PRR16: variants seen among roughly 807,000 people sequenced by gnomAD.
PRR16 encodes the protein proline rich 16, also known as protein Largen.
In PRR16, 6 loss-of-function variants were observed where a neutral mutation model predicts 18.2. The ratio of observed to expected loss-of-function variants is 0.33; its 90% CI spans 0.18 to 0.65. The LOEUF (loss-of-function observed/expected upper bound fraction) is 0.65. PRR16 is among the 30% of genes least tolerant of loss of function. The pLI, the probability that PRR16 is intolerant of heterozygous loss-of-function variation, is 0.74. For missense variants in PRR16, 412 were observed against 376.6 expected, an observed-to-expected ratio of 1.09 and a Z score of -0.78; for synonymous variants, 151 against 147.8, an observed-to-expected ratio of 1.02 and a Z score of -0.16.
chr5:120,501,248 C>G (rs1360505211), intron 1 of PRR16, among the ~76,000 whole-genome samples: 1 of 152,074 alleles, frequency 6.6e-6, no homozygotes, highest in Admixed American at 6.6e-5. Flanking sequence ...TTTAATAACA[C>G]AAATTAATTG....
intron 1 of PRR16, among the ~76,000 whole-genome samples, chr5:120,525,193 A>T (rs1384034421): frequency 6.6e-6 from 1 of 152,088 alleles, no homozygotes; most frequent in Non-Finnish European, 1.5e-5. Context: ...TGATATGTAA[A>T]TATGAGAGGG....
At chr5:120,511,907 G>A (rs1226988072) in intron 1 of PRR16, among the ~76,000 whole-genome samples, 1 of 152,142 alleles carries the variant, frequency 6.6e-6, no homozygotes, top group African/African-American at 2.4e-5. Context: ...CTCCTTCTAG[G>A]GGTCTTCTAG....
chr5:120,492,386 G>T (rs1225576579), intron 1 of PRR16, among the ~76,000 whole-genome samples: 1 of 151,674 alleles, frequency 6.6e-6, no homozygotes, highest in African/African-American at 2.4e-5. Flanking sequence ...CTTCCAAAAT[G>T]CTGGTATTAC....
intron 1 of PRR16, among the ~76,000 whole-genome samples, chr5:120,586,224 T>G (rs1329275554): frequency 6.6e-6 from 1 of 152,018 alleles, no homozygotes; most frequent in Non-Finnish European, 1.5e-5. Flanking sequence ...TCTTAATTGT[T>G]AAATGGAATA....
At chr5:120,565,251 C>G (rs979304298) in intron 1 of PRR16, among the ~76,000 whole-genome samples, 18 of 152,152 alleles carry the variant, frequency 1.2e-4, no homozygotes, top group Admixed American at 4.6e-4. Flanking sequence ...GATACTTGTG[C>G]TAAAATCCTA....
chr5:120,700,144 G>T, the PRR16 span, among the ~76,000 whole-genome samples: 2 of 152,120 alleles, frequency 1.3e-5, no homozygotes, highest in African/African-American at 2.4e-5. Flanking sequence ...TTGGCACCAC[G>T]GGGTGGATAG....
At chr5:120,791,365 G>T in the PRR16 span, among the ~76,000 whole-genome samples, 1 of 151,736 alleles carries the variant, frequency 6.6e-6, no homozygotes, top group South Asian at 2.1e-4. Context: ...TTCTTGTGAA[G>T]GGCTATTTTA....
At chr5:120,640,234 G>A (rs998713481) in intron 1 of PRR16, among the ~76,000 whole-genome samples, 5 of 151,874 alleles carry the variant, frequency 3.3e-5, no homozygotes, top group Admixed American at 2.6e-4. Context: ...TTCATACCTC[G>A]TACCTCAGCA....
At chr5:120,620,247 G>A (rs1256263838) in intron 1 of PRR16, among the ~76,000 whole-genome samples, 1 of 152,112 alleles carries the variant, frequency 6.6e-6, no homozygotes, top group Non-Finnish European at 1.5e-5. Flanking sequence ...CACGAAGAGT[G>A]ACCTTGAATA....
At chr5:120,538,813 C>T (rs1230941495) in intron 1 of PRR16, among the ~76,000 whole-genome samples, 2 of 152,142 alleles carry the variant, frequency 1.3e-5, no homozygotes, top group African/African-American at 2.4e-5. Context: ...CTCTCTTTCC[C>T]AGTAGTTATA....
At chr5:120,654,350 G>A (rs1755894306) in intron 1 of PRR16, among the ~76,000 whole-genome samples, 1 of 151,928 alleles carries the variant, frequency 6.6e-6, no homozygotes, top group Non-Finnish European at 1.5e-5. Flanking sequence ...CTACCCCCAT[G>A]TAACCTTTGC....
chr5:120,480,398 G>A (rs976749997), intron 1 of PRR16, among the ~76,000 whole-genome samples: 3 of 152,114 alleles, frequency 2.0e-5, no homozygotes, highest in Non-Finnish European at 2.9e-5. Flanking sequence ...TGAGTACTGC[G>A]TTAGCCAATA....
chr5:120,607,829 G>A (rs1043870194), intron 1 of PRR16, among the ~76,000 whole-genome samples: 1 of 152,044 alleles, frequency 6.6e-6, no homozygotes, highest in African/African-American at 2.4e-5. Context: ...AAAACAAGAT[G>A]AATCTTATAT....
chr5:120,628,557 G>A (rs1270063864), intron 1 of PRR16, among the ~76,000 whole-genome samples: 2 of 151,992 alleles, frequency 1.3e-5, no homozygotes, highest in Non-Finnish European at 2.9e-5. Context: ...AAAAATTGTA[G>A]GTAAGAGAGA....
the PRR16 span, among the ~76,000 whole-genome samples, chr5:120,756,562 T>C: frequency 6.6e-6 from 1 of 152,140 alleles, no homozygotes; most frequent in African/African-American, 2.4e-5. Context: ...TGGAGCATTT[T>C]TTTTCATGTT....
At position 120,583,345 on chromosome 5, in the gene PRR16, G is replaced by GTA. The variant is rs1554085288; in HGVS notation, c.160-102608_160-102607insAT. Among the ~76,000 whole-genome samples the GTA allele has an allele frequency of 1.2e-3, 182 of 151,270 alleles. 5 individuals are homozygous for GTA. Among genetic ancestry groups the GTA allele is most frequent in the Middle Eastern group, 3.4e-3 (1 of 290 alleles). On this transcript the variant is annotated intron_variant, in intron 1 of 1. Coordinates refer to ENST00000407149, the MANE Select transcript of PRR16 (RefSeq NM_001300783.2). Reference sequence around the variant, plus strand: ...TGTGTGTGTGTGTGTGTGTGTGTGTGTGTGCAAGTAATCCATGTCACCATG... The same window carrying GTA: ...TGTGTGTGTGTGTGTGTGTGTGTGTGTATGTGCAAGTAATCCATGTCACCATG...
the PRR16 span, among the ~76,000 whole-genome samples, chr5:120,706,247 A>T: frequency 6.6e-6 from 1 of 152,200 alleles, no homozygotes; most frequent in Non-Finnish European, 1.5e-5. Flanking sequence ...TACCTTTGAT[A>T]GTTGCTAAGC....
chr5:120,510,728 A>G (rs1750800059), intron 1 of PRR16, among the ~76,000 whole-genome samples: 1 of 152,182 alleles, frequency 6.6e-6, no homozygotes, highest in East Asian at 1.9e-4. Flanking sequence ...TACAGGATTT[A>G]TGCTTACCTC....
the PRR16 span, among the ~76,000 whole-genome samples, chr5:120,706,229 C>G: frequency 6.6e-6 from 1 of 152,096 alleles, no homozygotes; most frequent in Non-Finnish European, 1.5e-5. Context: ...AAATGGACTT[C>G]ACGATTTTAC....
Sources: gnomAD v4.1 joint callset for allele counts (sites outside exome capture counted in the v4.1 genomes callset) on GRCh38, gnomAD v4.1.1 for gene constraint, MANE v1.5 for transcripts, NCBI Gene and HGNC (gene_info 2026-07-23, HGNC 2026-07-21) for gene names.